Variants in CA10 observed in about 807,000 individuals in gnomAD.
CA10 encodes the protein carbonic anhydrase-related protein 10.
Under a neutral mutation model 44.2 loss-of-function variants are expected in CA10, and 14 were observed. The ratio of observed to expected loss-of-function variants is 0.32; its 90% CI spans 0.21 to 0.50. CA10 has a LOEUF of 0.50. CA10 is among the 20% of genes least tolerant of loss of function. The pLI is 0.99. For missense variants in CA10, 350 were observed against 409.7 expected, an observed-to-expected ratio of 0.85 and a Z score of 1.26; for synonymous variants, 159 against 141.6, an observed-to-expected ratio of 1.12 and a Z score of -0.87.
At chr17:51,980,011 GT>G (rs780920573) in intron 2 of CA10, among the ~76,000 whole-genome samples, 81 of 152,198 alleles carry the variant, frequency 5.3e-4, no homozygotes, top group Non-Finnish European at 9.0e-4. Flanking sequence ...GTGTCTTTAT[GT>G]TAGAATGATC....
chr17:51,690,791 A>G (rs1915170183), intron 4 of CA10, among the ~76,000 whole-genome samples: 2 of 152,202 alleles, frequency 1.3e-5, no homozygotes, highest in African/African-American at 4.8e-5. Context: ...TCTTCATAGC[A>G]GTATGAAAAT....
intron 3 of CA10, among the ~76,000 whole-genome samples, chr17:51,915,032 T>C (rs1216616557): frequency 6.6e-6 from 1 of 152,202 alleles, no homozygotes; most frequent in East Asian, 1.9e-4. Context: ...TTAGAATTCA[T>C]CTATTTATTA....
intron 2 of CA10, among the ~76,000 whole-genome samples, chr17:52,031,742 T>G (rs566089582): frequency 6.6e-6 from 1 of 152,322 alleles, no homozygotes; most frequent in East Asian, 1.9e-4. Flanking sequence ...TGATGCCATG[T>G]GTTTAATTAA....
intron 4 of CA10, among the ~76,000 whole-genome samples, chr17:51,740,910 CTT>C (rs1015675952): frequency 6.6e-6 from 1 of 152,296 alleles, no homozygotes; most frequent in East Asian, 1.9e-4. Flanking sequence ...TCTGATCTCT[CTT>C]GTTTTGCTCT....
intron 3 of CA10, among the ~76,000 whole-genome samples, chr17:51,882,975 T>C (rs1029462540): frequency 6.6e-6 from 1 of 152,204 alleles, no homozygotes; most frequent in Non-Finnish European, 1.5e-5. Flanking sequence ...AAGGTACTGG[T>C]GGAAAATTTT....
At chr17:51,743,972 G>T (rs1366889016) in intron 4 of CA10, among the ~76,000 whole-genome samples, 1 of 152,214 alleles carries the variant, frequency 6.6e-6, no homozygotes, top group African/African-American at 2.4e-5. Flanking sequence ...GGTGAGATAT[G>T]TTGACTTTTA....
chr17:51,633,828 C>T (rs953423175), intron 7 of CA10, among the ~76,000 whole-genome samples, 178 bp from the exon 8 acceptor site: 1 of 152,130 alleles, frequency 6.6e-6, no homozygotes, highest in Admixed American at 6.6e-5. Flanking sequence ...GCCCATTATA[C>T]CTCCACACAT....
chr17:51,732,869 C>T (rs912446089), intron 4 of CA10, among the ~76,000 whole-genome samples: 2 of 152,108 alleles, frequency 1.3e-5, no homozygotes, highest in Non-Finnish European at 2.9e-5. Context: ...AAAAAGACAG[C>T]TCATGGGGAG....
intron 3 of CA10, among the ~76,000 whole-genome samples, chr17:51,814,320 C>T (rs889751577): frequency 4.6e-5 from 7 of 152,152 alleles, no homozygotes; most frequent in Admixed American, 2.0e-4. Flanking sequence ...TCTGGAAGGT[C>T]GCTAAGGCAA....
chr17:51,823,244 C>T (rs866659906), intron 3 of CA10, among the ~76,000 whole-genome samples: 1 of 152,166 alleles, frequency 6.6e-6, no homozygotes, highest in Non-Finnish European at 1.5e-5. Context: ...CACATCAGAA[C>T]CTCAGCAAAG....
intron 3 of CA10, among the ~76,000 whole-genome samples, chr17:51,929,847 T>A (rs145533244): frequency 6.6e-6 from 1 of 152,276 alleles, no homozygotes; most frequent in African/African-American, 2.4e-5. Flanking sequence ...GACCTATATA[T>A]GACCTTTCCA....
intron 4 of CA10, among the ~76,000 whole-genome samples, chr17:51,684,691 T>C (rs577686446): frequency 2.0e-5 from 3 of 152,330 alleles, no homozygotes; most frequent in Admixed American, 6.5e-5. Context: ...ACTATGAGAT[T>C]GGAAACTTCT....
chr17:51,891,346 G>C (rs1359389090), intron 3 of CA10, among the ~76,000 whole-genome samples: 3 of 152,152 alleles, frequency 2.0e-5, no homozygotes, highest in Non-Finnish European at 4.4e-5. Context: ...GAAGACTGAA[G>C]TTCTAAGGAA....
At chr17:51,979,128 G>T (rs117083096) in intron 2 of CA10, among the ~76,000 whole-genome samples, 2,403 of 151,988 alleles carry the variant, frequency 0.016, 23 homozygotes, top group Non-Finnish European at 0.02. Context: ...AATTTCTTAT[G>T]CCTCTCCAGA....
chr17:51,666,510 G>A (rs1049624060), intron 4 of CA10, among the ~76,000 whole-genome samples: 2 of 152,118 alleles, frequency 1.3e-5, no homozygotes, highest in Non-Finnish European at 2.9e-5. Flanking sequence ...TTACTGTAGC[G>A]CCTTTTCTCA....
chr17:51,753,142 C>T (rs1029655857), intron 3 of CA10, among the ~76,000 whole-genome samples: 7 of 152,114 alleles, frequency 4.6e-5, no homozygotes, highest in African/African-American at 1.7e-4. Context: ...CCTCAATTTC[C>T]TCACCTGCGG....
chr17:51,790,304 A>G (rs144327436), intron 3 of CA10, among the ~76,000 whole-genome samples: 1 of 152,262 alleles, frequency 6.6e-6, no homozygotes, highest in African/African-American at 2.4e-5. Context: ...AGCAGATCTA[A>G]TGTGCCTGCT....
chr17:51,802,575 A>AC (rs1906975242), intron 3 of CA10, among the ~76,000 whole-genome samples: 1 of 151,318 alleles, frequency 6.6e-6, no homozygotes. Context: ...GAAAAAAAAA[A>AC]AAAAAAAAAA....
At chr17:51,816,118 T>C (rs1213451660) in intron 3 of CA10, among the ~76,000 whole-genome samples, 1 of 152,188 alleles carries the variant, frequency 6.6e-6, no homozygotes, top group East Asian at 1.9e-4. Context: ...TTTTACTCTC[T>C]GAGTTTAATT....
Sources: gnomAD v4.1 joint callset for allele counts (sites outside exome capture counted in the v4.1 genomes callset) on GRCh38, gnomAD v4.1.1 for gene constraint, MANE v1.5 for transcripts, NCBI Gene and HGNC (gene_info 2026-07-23, HGNC 2026-07-21) for gene names.